Variants in ATP2C2 observed in about 807,000 individuals in gnomAD.
ATP2C2 encodes the protein ATPase secretory pathway Ca2+ transporting 2.
In ATP2C2, 171 loss-of-function variants were observed where a neutral mutation model predicts 110.8. That is an observed-to-expected ratio of 1.54 (90% CI 1.36 to 1.75). The LOEUF is 1.75. Ranked by LOEUF, ATP2C2 falls within the 40% of genes most tolerant of loss-of-function variation. The probability of loss-of-function intolerance (pLI) is 0.00; values close to 1 mark genes in which losing one functional copy is unlikely to be tolerated. For synonymous variants in ATP2C2, 804 were observed against 508.4 expected (o/e 1.58, Z -7.82); for missense variants, 1,963 against 1,235.0 (o/e 1.59, Z -8.84).
chr16:84,462,075 A>G lies in ATP2C2; in HGVS notation c.2668A>G (p.Ile890Val), dbSNP rs780551521. The G allele has an allele frequency of 7.4e-6, 12 of 1,613,858 alleles. No homozygotes were observed. Among genetic ancestry groups the G allele is most frequent in the African/African-American group, 1.3e-5 (1 of 74,896 alleles). The change falls in exon 26 of 27, where the codon ATT (isoleucine) becomes GTT (valine). Residue 890 changes from isoleucine (I) to valine (V), a missense_variant. Transcript: ENST00000262429. ...LGSILGQLAV[I>V]YIPPLQRVFQ... ...GTCCATCCTGGGGCAGCTGGCGGTCATTTACATCCCCCCGCTGCAGAGGGT... is the reference window on the plus strand; with the variant it reads ...GTCCATCCTGGGGCAGCTGGCGGTCGTTTACATCCCCCCGCTGCAGAGGGT...
At chr16:84,429,173 C>G (rs1908045440) in intron 11 of ATP2C2, among the ~76,000 whole-genome samples, 1 of 152,028 alleles carries the variant, frequency 6.6e-6, no homozygotes, top group Non-Finnish European at 1.5e-5. Context: ...TGTTTTCAGA[C>G]AGAGTTTCAC....
At chr16:84,450,700 C>T (rs907945901) in intron 17 of ATP2C2, among the ~76,000 whole-genome samples, 8 of 152,086 alleles carry the variant, frequency 5.3e-5, no homozygotes, top group African/African-American at 1.9e-4. Context: ...TTACACCACC[C>T]CCTCTCAGAT....
intron 11 of ATP2C2, among the ~76,000 whole-genome samples, chr16:84,431,640 A>G (rs1363538234): frequency 6.6e-6 from 1 of 151,846 alleles, no homozygotes; most frequent in Non-Finnish European, 1.5e-5. Flanking sequence ...GGGGGTGGGA[A>G]CATATCCGAG....
At chr16:84,405,731 C>G (rs1169664818) in intron 3 of ATP2C2, among the ~76,000 whole-genome samples, 1 of 152,106 alleles carries the variant, frequency 6.6e-6, no homozygotes, top group Non-Finnish European at 1.5e-5. Context: ...ACCAGCCCGG[C>G]CAACATGGCG....
At chr16:84,415,913 G>C (rs1906793244) in intron 7 of ATP2C2, among the ~76,000 whole-genome samples, 1 of 152,112 alleles carries the variant, frequency 6.6e-6, no homozygotes, top group African/African-American at 2.4e-5. Flanking sequence ...TCTCAAAACA[G>C]ACACACAAGT....
Position 84,423,253 on chromosome 16 carries a change from T to G in ATP2C2, c.909T>G (p.Phe303Leu), listed in dbSNP as rs1443629927. The change falls in exon 10 of 27, where the codon TTT becomes TTG. Residue 303 changes from phenylalanine (F) to leucine (L), a missense_variant. By Grantham distance (22) the Phe-to-Leu change is conservative. Coordinates refer to ENST00000262429, the MANE Select transcript of ATP2C2 (RefSeq NM_014861.4). Reference sequence around the variant, plus strand: ...GAAAGCAACTGACACTCTTCTCCTTTGGCATAATCGGTGAGTGAAGCAGTT... The same window carrying G: ...GAAAGCAACTGACACTCTTCTCCTTGGGCATAATCGGTGAGTGAAGCAGTT... ...RLGKQLTLFS[F>L]GIIGLIMLIG... 1 of 1,614,016 alleles carries G rather than the reference T, an allele frequency of 6.2e-7. No individual in the cohort carries two copies. The highest frequency in any genetic ancestry group is 1.7e-5 in the Admixed American group (1 of 60,014).
At chr16:84,376,987 G>T (rs1415720571) in intron 1 of ATP2C2, among the ~76,000 whole-genome samples, 1 of 152,208 alleles carries the variant, frequency 6.6e-6, no homozygotes, top group East Asian at 1.9e-4. Context: ...GGTTAATCTG[G>T]ATCTGTGGAC....
At chr16:84,454,749 G>A in intron 20 of ATP2C2, 69 bp from the exon 21 acceptor site, 1 of 1,466,470 alleles carries the variant, frequency 6.8e-7, no homozygotes, top group Non-Finnish European at 9.1e-7. Context: ...CTGGCCACAG[G>A]GTGTGCATGG....
chr16:84,459,548 G>T (rs1911059241), intron 23 of ATP2C2, 162 bp downstream of exon 23: 4 of 1,538,780 alleles, frequency 2.6e-6, no homozygotes, highest in Non-Finnish European at 3.5e-6. Flanking sequence ...CAGTGAGACT[G>T]GGAGTAGAAG....
At chr16:84,452,240 T>C in intron 18 of ATP2C2, 149 bp downstream of exon 18, 1 of 1,022,508 alleles carries the variant, frequency 9.8e-7, no homozygotes. Flanking sequence ...AGTATTCGTG[T>C]GCCAGCATTC....
intron 2 of ATP2C2, among the ~76,000 whole-genome samples, chr16:84,403,477 T>A (rs963423715): frequency 1.3e-5 from 2 of 151,960 alleles, no homozygotes; most frequent in African/African-American, 4.8e-5. Context: ...GGCTAATTTT[T>A]AAAATTTTTT....
chr16:84,402,293 C>A (rs1429015866), intron 2 of ATP2C2, among the ~76,000 whole-genome samples: 2 of 152,082 alleles, frequency 1.3e-5, no homozygotes, highest in East Asian at 3.8e-4. Flanking sequence ...TCTTCCTTTC[C>A]AATTTGGATG....
chr16:84,459,325 C>G lies in ATP2C2; in HGVS notation c.2272C>G (p.Pro758Ala). Residue 758 changes from proline (P) to alanine (A), a missense_variant, in exon 23 of 27, where the codon CCC becomes GCC. Transcript: ENST00000262429. Reference sequence around the variant, plus strand: ...GTCCACCGTGTTCAACCTGCCCAGCCCCCTCAACGCCATGCAGATCCTATG... The same window carrying G: ...GTCCACCGTGTTCAACCTGCCCAGCGCCCTCAACGCCATGCAGATCCTATG... ...TLSTVFNLPS[P>A]LNAMQILWIN... 1 of 1,614,212 alleles carries G rather than the reference C, an allele frequency of 6.2e-7. No individual in the cohort carries two copies. Among genetic ancestry groups the G allele is most frequent in the Middle Eastern group, 1.6e-4 (1 of 6,062 alleles).
In ATP2C2 at chr16:84,415,510, G is replaced by A. The variant is rs769928759; in HGVS notation, c.543G>A (p.Leu181=). Residue 181 remains leucine, a synonymous_variant, in exon 7 of 27, where the codon CTG becomes CTA. Coordinates refer to ENST00000262429, the MANE Select transcript of ATP2C2 (RefSeq NM_014861.4). ...NCLREGKLQH[L]LARELVPGDV... is the part of the protein sequence containing the mutation. ...TAAGAGAAGGAAAACTCCAGCACCT[G>A]CTTGCTCGAGAACTGGTTCCTGGTG... 1 of 1,614,156 alleles carries A rather than the reference G, an allele frequency of 6.2e-7. No individual in the cohort carries two copies. The highest frequency in any genetic ancestry group is 1.7e-5 in the Admixed American group (1 of 60,032).
At chr16:84,407,972 T>C (rs536522414) in intron 3 of ATP2C2, among the ~76,000 whole-genome samples, 7 of 152,328 alleles carry the variant, frequency 4.6e-5, no homozygotes, top group African/African-American at 1.2e-4. Flanking sequence ...AGGGACATCA[T>C]TGGAGTCCCT....
At position 84,453,347 on chromosome 16, in the gene ATP2C2, A is replaced by T. The variant is rs1910482525; in HGVS notation, c.1956A>T (p.Pro652=). ...GKVSVFFRTS[P]KHKLKIIKAL... ...TGTCCGTGTTCTTCAGGACCAGCCC[A>T]AAGCACAAGCTCAAAATCATCAAGG... The change falls in exon 20 of 27, where the codon CCA becomes CCT. Residue 652 remains proline, a synonymous_variant. Transcript: ENST00000262429. 6.2e-7 allele frequency: 1 copy of T among 1,614,168 alleles called. No individual in the cohort carries two copies. Among genetic ancestry groups the T allele is most frequent in the Non-Finnish European group, 8.5e-7 (1 of 1,180,016 alleles).
chr16:84,398,932 C>T (rs942562588), intron 2 of ATP2C2, among the ~76,000 whole-genome samples: 1 of 152,232 alleles, frequency 6.6e-6, no homozygotes, highest in Non-Finnish European at 1.5e-5. Flanking sequence ...GAAAGTAGCA[C>T]AGTCCAGTGT....
In ATP2C2 at chr16:84,442,619, C is replaced by G. The variant is rs1909376029; in HGVS notation, c.1401+20C>G. The stretch of plus-strand genomic sequence containing the variant: ...ATGAAGGTAGGAGGTCCTGGGGTGG[C>G]TCTGCGGGGAATTCTTTCGCTCGGG... On this transcript the variant is annotated intron_variant, in intron 15 of 26. Transcript: ENST00000262429. The G allele has an allele frequency of 6.2e-7, 1 of 1,609,998 alleles. No individual in the cohort carries two copies. The highest frequency in any genetic ancestry group is 8.5e-7 in the Non-Finnish European group (1 of 1,176,548).
chr16:84,450,680 A>G (rs767828571), intron 17 of ATP2C2, among the ~76,000 whole-genome samples: 40 of 152,054 alleles, frequency 2.6e-4, no homozygotes, highest in Non-Finnish European at 4.6e-4. Context: ...GTGAGGGGGC[A>G]AGGATGTTCT....
Sources: gnomAD v4.1 joint callset for allele counts (sites outside exome capture counted in the v4.1 genomes callset) on GRCh38, gnomAD v4.1.1 for gene constraint, MANE v1.5 for transcripts, NCBI Gene and HGNC (gene_info 2026-07-23, HGNC 2026-07-21) for gene names.